KCND3: variants seen among roughly 807,000 people sequenced by gnomAD.
The protein encoded by KCND3 is potassium voltage-gated channel subfamily D member 3.
In KCND3, 9 loss-of-function variants were observed where a neutral mutation model predicts 51.1. The ratio of observed to expected loss-of-function variants is 0.18; its 90% CI spans 0.11 to 0.31. The LOEUF is 0.31. Among genes scored for constraint, KCND3 ranks in the 10% least tolerant of loss-of-function variants. The pLI is 1.00. For synonymous variants in KCND3, 349 were observed against 368.0 expected (o/e 0.95, Z 0.59); for missense variants, 526 against 903.8 (o/e 0.58, Z 5.36).
chr1:111,926,569 A>G (rs906237685), intron 2 of KCND3, among the ~76,000 whole-genome samples: 1 of 152,230 alleles, frequency 6.6e-6, no homozygotes, highest in Non-Finnish European at 1.5e-5. Flanking sequence ...AGGGGCTTGG[A>G]GGCCATCCAG....
chr1:111,968,872 C>T (rs1004345728), intron 2 of KCND3, among the ~76,000 whole-genome samples: 1 of 152,108 alleles, frequency 6.6e-6, no homozygotes, highest in African/African-American at 2.4e-5. Flanking sequence ...TGGGTAGGGA[C>T]GTCACCAACT....
chr1:111,914,421 TATAAA>T (rs1671101715), intron 2 of KCND3, among the ~76,000 whole-genome samples: 1 of 152,210 alleles, frequency 6.6e-6, no homozygotes, highest in African/African-American at 2.4e-5. Context: ...TGGTGCAACC[TATAAA>T]CTCACTGATC....
chr1:111,874,248 C>T (rs187383285), intron 2 of KCND3, among the ~76,000 whole-genome samples: 42 of 152,306 alleles, frequency 2.8e-4, no homozygotes, highest in African/African-American at 9.9e-4. Flanking sequence ...CTGTTTTAAA[C>T]GAATCACCCC....
intron 2 of KCND3, among the ~76,000 whole-genome samples, chr1:111,853,105 G>A (rs1475337559): frequency 6.6e-6 from 1 of 152,214 alleles, no homozygotes; most frequent in Non-Finnish European, 1.5e-5. Flanking sequence ...CACTTTCCAG[G>A]TGGAGAAATC....
At chr1:111,954,497 G>A (rs1030811083) in intron 2 of KCND3, among the ~76,000 whole-genome samples, 3 of 152,234 alleles carry the variant, frequency 2.0e-5, no homozygotes, top group Admixed American at 6.5e-5. Context: ...CATCTGGGGT[G>A]CAGAATTGCC....
chr1:111,889,146 C>G (rs985283957), intron 2 of KCND3, among the ~76,000 whole-genome samples: 2 of 152,192 alleles, frequency 1.3e-5, no homozygotes, highest in Admixed American at 1.3e-4. Flanking sequence ...TTTTCAGCAA[C>G]CTGCTGCTCT....
intron 2 of KCND3, among the ~76,000 whole-genome samples, chr1:111,882,204 A>G (rs1424504143): frequency 6.6e-6 from 1 of 152,200 alleles, no homozygotes; most frequent in Admixed American, 6.5e-5. Context: ...AGGAGGATCA[A>G]TGAGAAGGTG....
At chr1:111,926,922 C>CA (rs1553179047) in intron 2 of KCND3, among the ~76,000 whole-genome samples, 5 of 152,096 alleles carry the variant, frequency 3.3e-5, no homozygotes. Context: ...GTCCTTTTTT[C>CA]TTTTTTTTCT....
chr1:111,895,399 G>A (rs957584628), intron 2 of KCND3, among the ~76,000 whole-genome samples: 3 of 152,320 alleles, frequency 2.0e-5, no homozygotes, highest in East Asian at 1.9e-4. Context: ...GGGGAGGTGG[G>A]GGAAGGGGTA....
intron 2 of KCND3, among the ~76,000 whole-genome samples, chr1:111,797,184 T>G (rs1046064284): frequency 6.6e-6 from 1 of 152,220 alleles, no homozygotes; most frequent in African/African-American, 2.4e-5. Context: ...GCATCACTGA[T>G]GTTGGTGATC....
chr1:111,893,442 T>C (rs993736931), intron 2 of KCND3, among the ~76,000 whole-genome samples: 2 of 152,072 alleles, frequency 1.3e-5, no homozygotes, highest in Non-Finnish European at 2.9e-5. Flanking sequence ...ATGGCCTTGG[T>C]AGGAGACTCG....
At chr1:111,846,793 G>C (rs1333071472) in intron 2 of KCND3, among the ~76,000 whole-genome samples, 1 of 152,156 alleles carries the variant, frequency 6.6e-6, no homozygotes, top group Non-Finnish European at 1.5e-5. Context: ...TGTGAAGCAG[G>C]GGTTGTCATC....
chr1:111,867,555 T>A (rs140687293), intron 2 of KCND3, among the ~76,000 whole-genome samples: 1 of 152,290 alleles, frequency 6.6e-6, no homozygotes, highest in African/African-American at 2.4e-5. Context: ...TGTATTTCCA[T>A]GCAGTGGGGT....
In KCND3 at chr1:111,874,423, T is replaced by C. The variant is rs543738497; in HGVS notation, c.1107-87317A>G. 3.9e-5 allele frequency among the ~76,000 whole-genome samples: 6 copies of C among 152,286 alleles called. 1 individual carries two copies. The highest frequency in any genetic ancestry group is 7.4e-5 in the Non-Finnish European group (5 of 68,012). ...AACTTCCAGAAGTTCTTTTCTTTGT[T>C]GTTTGGAATTGCCTTTGGAGCGTTT... On this transcript the variant is annotated intron_variant, in intron 2 of 7. Transcript: ENST00000302127.
chr1:111,850,401 C>A (rs1313401697), intron 2 of KCND3, among the ~76,000 whole-genome samples: 2 of 152,190 alleles, frequency 1.3e-5, no homozygotes, highest in African/African-American at 2.4e-5. Flanking sequence ...TCCTTGGAGG[C>A]TGCTGTGCCA....
At chr1:111,785,468 C>T (rs963415063) in intron 3 of KCND3, among the ~76,000 whole-genome samples, 3 of 151,994 alleles carry the variant, frequency 2.0e-5, no homozygotes, top group Admixed American at 6.6e-5. Context: ...CAAAGGATGA[C>T]GGACAGAGCC....
At chr1:111,974,164 T>A (rs964492970) in intron 2 of KCND3, among the ~76,000 whole-genome samples, 2 of 152,150 alleles carry the variant, frequency 1.3e-5, no homozygotes, top group Non-Finnish European at 2.9e-5. Context: ...GATGCCTGTG[T>A]TCTGGCCGGA....
At chr1:111,949,966 A>G (rs1672973837) in intron 2 of KCND3, among the ~76,000 whole-genome samples, 1 of 152,226 alleles carries the variant, frequency 6.6e-6, no homozygotes, top group Non-Finnish European at 1.5e-5. Flanking sequence ...GCTGGAGTGC[A>G]GTGGCCCGAT....
At chr1:111,964,960 C>T (rs945909267) in intron 2 of KCND3, among the ~76,000 whole-genome samples, 1 of 152,190 alleles carries the variant, frequency 6.6e-6, no homozygotes, top group African/African-American at 2.4e-5. Flanking sequence ...CCCTAAAGGG[C>T]CTGAACACAT....
Sources: gnomAD v4.1 joint callset for allele counts (sites outside exome capture counted in the v4.1 genomes callset) on GRCh38, gnomAD v4.1.1 for gene constraint, MANE v1.5 for transcripts, NCBI Gene and HGNC (gene_info 2026-07-23, HGNC 2026-07-21) for gene names.